Variants in PMPCB observed in about 807,000 individuals in gnomAD.
The protein encoded by PMPCB is peptidase, mitochondrial processing subunit beta.
PMPCB carries 46 observed loss-of-function variants against 61.5 expected under a neutral mutation model. The observed-to-expected ratio is 0.75, with a 90% CI of 0.59 to 0.96. The LOEUF is 0.96. PMPCB is among the 40% of genes least tolerant of loss of function. The pLI is 0.00. For missense variants in PMPCB, 590 were observed against 602.4 expected (o/e 0.98, Z 0.22); for synonymous variants, 191 against 201.6 (o/e 0.95, Z 0.44).
the PMPCB span, chr7:103,344,883 G>A: frequency 3.5e-6 from 2 of 579,448 alleles, no homozygotes; most frequent in Non-Finnish European, 6.1e-6. Flanking sequence ...TGGAGACCAA[G>A]TCGCACGAGA....
chr7:103,327,175 T>C (rs935686571), intron 12 of PMPCB, among the ~76,000 whole-genome samples: 7 of 151,992 alleles, frequency 4.6e-5, no homozygotes, highest in Non-Finnish European at 1.0e-4. Flanking sequence ...TGTATGTAAA[T>C]AGCAATAAGT....
chr7:103,305,815 T>C (rs1340395317), intron 6 of PMPCB, among the ~76,000 whole-genome samples: 1 of 152,192 alleles, frequency 6.6e-6, no homozygotes, highest in East Asian at 1.9e-4. Flanking sequence ...GTTTCTAAAT[T>C]GGCTCTTGCA....
chr7:103,298,444 T>C lies in PMPCB; in HGVS notation c.100-124T>C, dbSNP rs1817353856. On this transcript the variant is annotated intron_variant, in intron 1 of 12. Transcript: ENST00000249269. ...GCAGAGATCTCAGTGGAACCAAAATTCAAGAAGAAAGATTCTTTTATAGAG... is the reference window on the plus strand; with the variant it reads ...GCAGAGATCTCAGTGGAACCAAAATCCAAGAAGAAAGATTCTTTTATAGAG... 4.8e-6 allele frequency: 5 copies of C among 1,034,476 alleles called. No homozygotes were observed. The East Asian group carries it at 7.3e-5, about 15-fold the overall frequency. 64.1% of individuals were successfully genotyped at this position (1,034,476 alleles called of 1,614,324 possible).
At chr7:103,305,931 G>A (rs971532444) in intron 6 of PMPCB, among the ~76,000 whole-genome samples, 17 of 152,138 alleles carry the variant, frequency 1.1e-4, no homozygotes, top group African/African-American at 4.1e-4. Flanking sequence ...ATTGTTGGTG[G>A]CATGTGGACA....
the PMPCB span, among the ~76,000 whole-genome samples, chr7:103,343,586 A>T: frequency 6.6e-6 from 1 of 152,226 alleles, no homozygotes; most frequent in South Asian, 2.1e-4. Flanking sequence ...CTTGAATGAG[A>T]CCACAGAAAC....
chr7:103,340,570 G>T, the PMPCB span, among the ~76,000 whole-genome samples: 2 of 152,136 alleles, frequency 1.3e-5, no homozygotes, highest in South Asian at 4.1e-4. Context: ...CAATCTCACT[G>T]TAGCAACAAG....
At chr7:103,309,635 CTG>C (rs1479561072) in intron 8 of PMPCB, among the ~76,000 whole-genome samples, 1 of 152,218 alleles carries the variant, frequency 6.6e-6, no homozygotes, top group Admixed American at 6.5e-5. Context: ...GCTCTAGCAT[CTG>C]TGGATTTTGG....
intron 12 of PMPCB, among the ~76,000 whole-genome samples, chr7:103,324,910 T>C (rs1818620638): frequency 6.6e-6 from 1 of 152,158 alleles, no homozygotes; most frequent in Non-Finnish European, 1.5e-5. Flanking sequence ...TGTCCCTAAA[T>C]AGTCAGCACA....
the PMPCB span, chr7:103,342,084 C>G: frequency 1.2e-5 from 7 of 578,554 alleles, no homozygotes; most frequent in Non-Finnish European, 1.6e-5. Context: ...CCACCGACTA[C>G]GAAAATAATT....
In PMPCB at chr7:103,312,130, T is replaced by TG; in HGVS notation, c.1405+1dup. On this transcript the variant is annotated frameshift_variant and splice_region_variant, in exon 12 of 13. Coordinates refer to ENST00000249269, the MANE Select transcript of PMPCB (RefSeq NM_004279.3). LOFTEE classifies it high-confidence loss of function. ...ATAGGAGTCCAGCTATTGCTGCTGTTGGTAAGCCTGGCTTCTTTTCTTCTA... is the reference window on the plus strand; with the variant it reads ...ATAGGAGTCCAGCTATTGCTGCTGTTGGGTAAGCCTGGCTTCTTTTCTTCTA... 1.2e-6 allele frequency: 2 copies of TG among 1,614,090 alleles called. No homozygotes were observed. The highest frequency in any genetic ancestry group is 2.7e-5 in the African/African-American group (2 of 75,054).
chr7:103,320,525 C>T (rs935247577), intron 12 of PMPCB, among the ~76,000 whole-genome samples: 3 of 151,792 alleles, frequency 2.0e-5, no homozygotes, highest in African/African-American at 7.3e-5. Context: ...CTTTGGGAGG[C>T]CGAGGCAGGC....
intron 2 of PMPCB, 36 bp from the exon 3 acceptor site, chr7:103,299,407 A>G: frequency 7.6e-7 from 1 of 1,313,330 alleles, no homozygotes; most frequent in Non-Finnish European, 1.1e-6. Context: ...AAATAAATAA[A>G]ATGAATTTAT....
At chr7:103,326,444 A>G in intron 12 of PMPCB, 6 of 1,214,684 alleles carry the variant, frequency 4.9e-6, no homozygotes, top group South Asian at 4.0e-5. Context: ...GAAATAATCT[A>G]TAAATGAAAC....
At chr7:103,308,624 AAAAG>A (rs891575841) in intron 7 of PMPCB, among the ~76,000 whole-genome samples, 47 of 152,328 alleles carry the variant, frequency 3.1e-4, no homozygotes, top group Admixed American at 2.4e-3. Flanking sequence ...GTCTCAAAAA[AAAAG>A]AAAGAAAAAG....
chr7:103,297,474 G>A lies in PMPCB; in HGVS notation c.15G>A (p.Ala5=). 1.9e-6 allele frequency: 3 copies of A among 1,543,152 alleles called. No homozygotes were observed. Among genetic ancestry groups the A allele is most frequent in the African/African-American group, 1.4e-5 (1 of 72,606 alleles). MAAA[A]ARVVLSSAAR... Reference sequence around the variant, plus strand: ...TTCTAGCAGAAATGGCGGCTGCGGCGGCTCGAGTGGTGTTGTCATCCGCGG... The same window carrying A: ...TTCTAGCAGAAATGGCGGCTGCGGCAGCTCGAGTGGTGTTGTCATCCGCGG... The change falls in exon 1 of 13, where the codon GCG becomes GCA. Residue 5 remains alanine, a synonymous_variant. Transcript: ENST00000249269.
At chr7:103,310,921 A>C (rs1817727679) in intron 9 of PMPCB, 1 of 152,574 alleles carries the variant, frequency 6.6e-6, no homozygotes, top group Admixed American at 6.5e-5. Context: ...TCCTGACCTC[A>C]GGAGATCCAC....
intron 6 of PMPCB, among the ~76,000 whole-genome samples, chr7:103,305,900 G>A (rs1273707934): frequency 6.6e-6 from 1 of 152,190 alleles, no homozygotes; most frequent in Admixed American, 6.5e-5. Flanking sequence ...CAACAACCAA[G>A]CTTTCTGGGA....
At position 103,300,200 on chromosome 7, in the gene PMPCB, TAGATCTGGAACTTG is replaced by T; in HGVS notation, c.355_368del (p.Leu119Ter). ...AAGGGCACCAAGAAGAGATCCCAGT[TAGATCTGGAACTTG>T]AGATTGAAAATATGGGTGCTCATCT... is the stretch of plus-strand genomic sequence containing the variant. On this transcript the variant is annotated frameshift_variant, in exon 4 of 13. Coordinates refer to ENST00000249269, the MANE Select transcript of PMPCB (RefSeq NM_004279.3). LOFTEE classifies it high-confidence loss of function. 1 of 1,612,954 alleles carries T rather than the reference TAGATCTGGAACTTG, an allele frequency of 6.2e-7. No homozygotes were observed. The highest frequency in any genetic ancestry group is 8.5e-7 in the Non-Finnish European group (1 of 1,179,322).
At chr7:103,346,779 A>G in the PMPCB span, among the ~76,000 whole-genome samples, 1 of 151,934 alleles carries the variant, frequency 6.6e-6, no homozygotes, top group African/African-American at 2.4e-5. Flanking sequence ...TCTGTGTTGT[A>G]GCTTATACTA....
Sources: gnomAD v4.1 joint callset for allele counts (sites outside exome capture counted in the v4.1 genomes callset) on GRCh38, gnomAD v4.1.1 for gene constraint, MANE v1.5 for transcripts, NCBI Gene and HGNC (gene_info 2026-07-23, HGNC 2026-07-21) for gene names.